SORCS2: variants seen among roughly 807,000 people sequenced by gnomAD.
SORCS2 encodes the protein sortilin related VPS10 domain containing receptor 2, also known as VPS10 domain-containing receptor SorCS2.
A neutral mutation model predicts 141.6 loss-of-function variants in SORCS2; 100 were observed. The ratio of observed to expected loss-of-function variants is 0.71; its 90% CI spans 0.60 to 0.83. SORCS2 has a LOEUF of 0.83. Among genes scored for constraint, SORCS2 ranks in the 40% least tolerant of loss-of-function variants. The probability of loss-of-function intolerance (pLI) is 0.00; values close to 1 mark genes in which losing one functional copy is unlikely to be tolerated. For synonymous variants in SORCS2, 789 were observed against 676.9 expected (o/e 1.17, Z -2.57); for missense variants, 1,646 against 1,560.2 (o/e 1.05, Z -0.93).
At chr4:7,653,268 A>T (rs1721551458) in intron 4 of SORCS2, among the ~76,000 whole-genome samples, 1 of 151,630 alleles carries the variant, frequency 6.6e-6, no homozygotes. Flanking sequence ...TTTCAGGTGG[A>T]GTTTTGCTCT....
chr4:7,355,466 C>T (rs562462693), intron 1 of SORCS2, among the ~76,000 whole-genome samples: 35 of 152,244 alleles, frequency 2.3e-4, no homozygotes, highest in African/African-American at 7.9e-4. Flanking sequence ...TTTGTTAACG[C>T]GGTCAGTCAG....
At chr4:7,200,776 A>G (rs1007455131) in intron 1 of SORCS2, among the ~76,000 whole-genome samples, 1 of 152,142 alleles carries the variant, frequency 6.6e-6, no homozygotes, top group Admixed American at 6.5e-5. Context: ...TCAAATGAGG[A>G]TCATGGTTCC....
At chr4:7,590,114 G>A (rs1716817164) in intron 3 of SORCS2, among the ~76,000 whole-genome samples, 1 of 152,230 alleles carries the variant, frequency 6.6e-6, no homozygotes, top group Non-Finnish European at 1.5e-5. Flanking sequence ...AGAGAAGGAA[G>A]CTAGTGCATT....
chr4:7,215,935 A>G (rs1728320848), intron 1 of SORCS2, among the ~76,000 whole-genome samples: 1 of 135,310 alleles, frequency 7.4e-6, no homozygotes, highest in South Asian at 2.4e-4. Context: ...ATAAGAGAAT[A>G]AAAGCAGGCT....
At chr4:7,219,062 A>C (rs1285671612) in intron 1 of SORCS2, among the ~76,000 whole-genome samples, 2 of 151,810 alleles carry the variant, frequency 1.3e-5, no homozygotes, top group African/African-American at 4.8e-5. Flanking sequence ...GCTGGCTCCT[A>C]CTCATTTTGG....
rs920818476 is a variant in SORCS2, at chr4:7,392,904, G to T, written c.481-3384G>T. Reference sequence around the variant, plus strand: ...AATATGGGCCCCTCCCAGTCGGGGGGGGGGGGGTGCTGCGAGAGAGTGGAT... The same window carrying T: ...AATATGGGCCCCTCCCAGTCGGGGGTGGGGGGGTGCTGCGAGAGAGTGGAT... On this transcript the variant is annotated intron_variant, in intron 1 of 26. Coordinates refer to ENST00000507866, the MANE Select transcript of SORCS2 (RefSeq NM_020777.3). Among the ~76,000 whole-genome samples the T allele has an allele frequency of 2.3e-3, 333 of 146,642 alleles. 1 individual carries two copies. Among genetic ancestry groups the T allele is most frequent in the African/African-American group, 8.3e-3 (310 of 37,432 alleles).
chr4:7,531,738 G>A (rs1306284942), intron 3 of SORCS2, 109 bp downstream of exon 3: 3 of 1,104,238 alleles, frequency 2.7e-6, no homozygotes, highest in Non-Finnish European at 4.0e-6. Flanking sequence ...TTTGGCCCAG[G>A]CCGGAGTGTG....
intron 8 of SORCS2, among the ~76,000 whole-genome samples, chr4:7,671,031 C>T (rs1464987622): frequency 1.3e-5 from 2 of 152,162 alleles, no homozygotes; most frequent in Non-Finnish European, 2.9e-5. Flanking sequence ...GCCAGACATT[C>T]AAAAGCAACT....
At chr4:7,454,104 C>CTG (rs201908551) in intron 2 of SORCS2, among the ~76,000 whole-genome samples, 4 of 111,510 alleles carry the variant, frequency 3.6e-5, no homozygotes, top group East Asian at 2.9e-4. Flanking sequence ...GGGTCAGGTG[C>CTG]TGTGTTGGGG....
intron 20 of SORCS2, 101 bp from the exon 21 acceptor site, chr4:7,726,679 G>A: frequency 6.8e-7 from 1 of 1,472,604 alleles, no homozygotes; most frequent in Non-Finnish European, 9.1e-7. Context: ...TGGGAACAAG[G>A]GGACAGCAAT....
At chr4:7,490,922 T>A (rs964280879) in intron 2 of SORCS2, among the ~76,000 whole-genome samples, 2 of 152,148 alleles carry the variant, frequency 1.3e-5, no homozygotes, top group Non-Finnish European at 2.9e-5. Flanking sequence ...CCTAGGGACG[T>A]ACCTGGCACG....
At chr4:7,367,657 C>A (rs1314689995) in intron 1 of SORCS2, among the ~76,000 whole-genome samples, 2 of 152,250 alleles carry the variant, frequency 1.3e-5, no homozygotes, top group East Asian at 3.8e-4. Flanking sequence ...CCCTGCCAGG[C>A]CTGACGCTTG....
At chr4:7,390,197 A>T (rs936530994) in intron 1 of SORCS2, among the ~76,000 whole-genome samples, 3 of 152,186 alleles carry the variant, frequency 2.0e-5, no homozygotes, top group African/African-American at 7.2e-5. Flanking sequence ...GGCAATCAAC[A>T]CTAAGTTCTT....
intron 2 of SORCS2, among the ~76,000 whole-genome samples, chr4:7,484,687 T>C (rs916586186): frequency 6.6e-6 from 1 of 152,084 alleles, no homozygotes; most frequent in East Asian, 1.9e-4. Context: ...AAAATGATCC[T>C]CTCTTTAGAG....
chr4:7,521,638 G>A (rs1481359852), intron 2 of SORCS2, among the ~76,000 whole-genome samples: 1 of 152,176 alleles, frequency 6.6e-6, no homozygotes, highest in African/African-American at 2.4e-5. Flanking sequence ...ACTGGAACGT[G>A]ACCGAAGCTC....
At chr4:7,217,701 TGTGTGTGGGG>T (rs1728447554) in intron 1 of SORCS2, among the ~76,000 whole-genome samples, 1 of 152,174 alleles carries the variant, frequency 6.6e-6, no homozygotes, top group Admixed American at 6.5e-5. Flanking sequence ...GTTATGTAGC[TGTGTGTGGGG>T]GTGTGTGACA....
Position 7,706,052 on chromosome 4 carries a change from C to T in SORCS2, c.1868+1768C>T, listed in dbSNP as rs1186171162. Among the ~76,000 whole-genome samples, 21 of 147,478 alleles carry T rather than the reference C, an allele frequency of 1.4e-4. 4 individuals are homozygous for T. The highest frequency in any genetic ancestry group is 1.4e-3 in the Admixed American group (21 of 14,836). On this transcript the variant is annotated intron_variant, in intron 14 of 26. Transcript: ENST00000507866. ...GTCTGGGCAGGGATGAGGCTGGGCT[C>T]CGCCTGGGCAGGGATGAGGCTGGGC...
chr4:7,641,299 A>C (rs1449876569), intron 4 of SORCS2, among the ~76,000 whole-genome samples: 1 of 152,188 alleles, frequency 6.6e-6, no homozygotes, highest in African/African-American at 2.4e-5. Context: ...TCATGGTGGA[A>C]GGTGAAGGGG....
intron 12 of SORCS2, among the ~76,000 whole-genome samples, chr4:7,697,805 G>C (rs976060479): frequency 6.6e-6 from 1 of 152,040 alleles, no homozygotes; most frequent in Non-Finnish European, 1.5e-5. Context: ...TCTGGGTTGG[G>C]GTGTCTGGGG....
Sources: allele counts gnomAD v4.1 joint callset (sites outside exome capture counted in the v4.1 genomes callset), GRCh38; gene constraint gnomAD v4.1.1; transcripts MANE v1.5; gene names NCBI Gene and HGNC (gene_info 2026-07-23, HGNC 2026-07-21).